Variants in PDE4D observed in about 807,000 individuals in gnomAD.
The protein encoded by PDE4D is phosphodiesterase 4D, also known as 3',5'-cyclic-AMP phosphodiesterase 4D.
In PDE4D, 24 loss-of-function variants were observed where a neutral mutation model predicts 87.4. The observed-to-expected ratio is 0.27, with a 90% confidence interval of 0.20 to 0.39. The LOEUF is 0.39. PDE4D is among the 10% of genes least tolerant of loss of function. The pLI is 1.00. For missense variants in PDE4D, 714 were observed against 1,041.0 expected, an observed-to-expected ratio of 0.69 and a Z score of 4.32; for synonymous variants, 384 against 383.2, an observed-to-expected ratio of 1.00 and a Z score of -0.02.
At chr5:59,687,739 G>A (rs1462265805) in intron 1 of PDE4D, among the ~76,000 whole-genome samples, 2 of 152,116 alleles carry the variant, frequency 1.3e-5, no homozygotes. Flanking sequence ...AAATGTAAAT[G>A]GGCTAAATGC....
intron 1 of PDE4D, among the ~76,000 whole-genome samples, chr5:59,378,717 G>A (rs924683777): frequency 2.0e-5 from 3 of 152,196 alleles, no homozygotes; most frequent in Non-Finnish European, 4.4e-5. Flanking sequence ...GCTGAAACTA[G>A]TGACAAGCTT....
At chr5:59,664,639 A>G (rs1474473460) in intron 1 of PDE4D, among the ~76,000 whole-genome samples, 1 of 152,224 alleles carries the variant, frequency 6.6e-6, no homozygotes, top group African/African-American at 2.4e-5. Flanking sequence ...ATTCATAAAG[A>G]GAGGTTTTCT....
intron 1 of PDE4D, among the ~76,000 whole-genome samples, chr5:59,789,047 T>A (rs1336047474): frequency 6.6e-6 from 1 of 152,196 alleles, no homozygotes; most frequent in East Asian, 1.9e-4. Flanking sequence ...TTACCTGAGC[T>A]TGGTTAGGAT....
chr5:59,578,961 C>T (rs1312608887), intron 1 of PDE4D, among the ~76,000 whole-genome samples: 1 of 152,010 alleles, frequency 6.6e-6, no homozygotes, highest in Admixed American at 6.6e-5. Flanking sequence ...TCTTCTCCTC[C>T]TCCTTCGTTC....
chr5:59,713,235 T>A (rs1754477100), intron 1 of PDE4D, among the ~76,000 whole-genome samples: 1 of 152,122 alleles, frequency 6.6e-6, no homozygotes, highest in Admixed American at 6.5e-5. Context: ...ATTTTAAAAA[T>A]CTGATTTAAG....
intron 1 of PDE4D, among the ~76,000 whole-genome samples, chr5:60,434,350 C>T (rs1339747810): frequency 1.3e-5 from 2 of 152,004 alleles, no homozygotes; most frequent in Non-Finnish European, 2.9e-5. Context: ...TGAAAGCTTT[C>T]TAAATTATCA....
chr5:59,101,773 G>A (rs1770774662), intron 5 of PDE4D, among the ~76,000 whole-genome samples: 2 of 151,726 alleles, frequency 1.3e-5, no homozygotes, highest in South Asian at 4.2e-4. Flanking sequence ...TCATTCCAAA[G>A]GAAAGATCTG....
intron 1 of PDE4D, among the ~76,000 whole-genome samples, chr5:60,282,957 T>C (rs1752079843): frequency 1.3e-5 from 2 of 152,218 alleles, no homozygotes; most frequent in African/African-American, 4.8e-5. Context: ...TGGTAAATAT[T>C]TCATGCACAT....
At chr5:59,851,124 A>C (rs574085027) in intron 1 of PDE4D, among the ~76,000 whole-genome samples, 1 of 152,180 alleles carries the variant, frequency 6.6e-6, no homozygotes, top group Admixed American at 6.5e-5. Flanking sequence ...GAAGACACTC[A>C]TGCAGCCTGG....
intron 1 of PDE4D, among the ~76,000 whole-genome samples, chr5:59,553,171 GTCTC>G (rs1223389038): frequency 6.6e-6 from 1 of 152,034 alleles, no homozygotes; most frequent in Non-Finnish European, 1.5e-5. Flanking sequence ...AATCAGGATT[GTCTC>G]TCTCCCTTTC....
chr5:59,062,007 G>A (rs1013242183), intron 5 of PDE4D, among the ~76,000 whole-genome samples: 1 of 152,038 alleles, frequency 6.6e-6, no homozygotes, highest in Non-Finnish European at 1.5e-5. Flanking sequence ...CAGGACTAAA[G>A]GCAGCATCAC....
chr5:59,491,414 G>C (rs747486048), intron 1 of PDE4D, among the ~76,000 whole-genome samples: 2 of 152,130 alleles, frequency 1.3e-5, no homozygotes, highest in Non-Finnish European at 2.9e-5. Flanking sequence ...ATGAGATTGA[G>C]CAGTGACTTT....
chr5:59,001,086 G>A (rs1319782313), intron 6 of PDE4D, among the ~76,000 whole-genome samples: 1 of 152,146 alleles, frequency 6.6e-6, no homozygotes, highest in Non-Finnish European at 1.5e-5. Flanking sequence ...GACATTTTAC[G>A]AGGAGGGTTA....
chr5:60,362,882 A>G (rs1442479439), intron 1 of PDE4D, among the ~76,000 whole-genome samples: 1 of 151,960 alleles, frequency 6.6e-6, no homozygotes, highest in African/African-American at 2.4e-5. Flanking sequence ...AAAAAAAGAA[A>G]TATTATTTTA....
At chr5:59,311,565 C>T (rs1158613975) in intron 1 of PDE4D, among the ~76,000 whole-genome samples, 3 of 150,516 alleles carry the variant, frequency 2.0e-5, no homozygotes, top group Non-Finnish European at 4.4e-5. Flanking sequence ...GGACTCTTTC[C>T]TCTTCCTTAC....
rs749417048 is a variant in PDE4D, at chr5:59,039,390, C to T, written c.809-419G>A. 1.8e-3 allele frequency: 1,809 copies of T among 1,013,872 alleles called. 3 individuals carry two copies. Among genetic ancestry groups the T allele is most frequent in the Non-Finnish European group, 2.0e-3 (1,735 of 847,672 alleles). 62.8% of individuals were successfully genotyped at this position (1,013,872 alleles called of 1,614,324 possible). On this transcript the variant is annotated intron_variant, in intron 5 of 14. Transcript: ENST00000340635. ...CCCGCCCCGCAGAGGAGCGTCTGGT[C>T]CACAGCCGGATCTCCTCGGTCCCCA... is the stretch of plus-strand genomic sequence containing the variant.
In PDE4D at chr5:59,081,167, G is replaced by A. The variant is rs1220172928; in HGVS notation, c.809-42196C>T. Among the ~76,000 whole-genome samples the A allele has an allele frequency of 9.2e-5, 14 of 152,172 alleles. 1 individual carries two copies. The South Asian group carries it at 1.7e-3, about 18-fold the overall frequency. Reference sequence around the variant, plus strand: ...ACTGATGTCAAGTCATCCATAGTATGAAAACTCATTTATTTTTATTTGAAA... The same window carrying A: ...ACTGATGTCAAGTCATCCATAGTATAAAAACTCATTTATTTTTATTTGAAA... On this transcript the variant is annotated intron_variant, in intron 5 of 14. Transcript: ENST00000340635.
chr5:59,574,080 AT>A (rs1822497709), intron 1 of PDE4D, among the ~76,000 whole-genome samples: 2 of 3,132 alleles, frequency 6.4e-4, no homozygotes, highest in African/African-American at 9.5e-4. Flanking sequence ...ATTTATATAT[AT>A]ATTTATATAT....
chr5:59,308,005 T>C (rs1210702504), intron 1 of PDE4D, among the ~76,000 whole-genome samples: 1 of 152,038 alleles, frequency 6.6e-6, no homozygotes, highest in East Asian at 1.9e-4. Context: ...ATGTGGCACA[T>C]ATACACCATG....
Sources: allele counts gnomAD v4.1 joint callset (sites outside exome capture counted in the v4.1 genomes callset), GRCh38; gene constraint gnomAD v4.1.1; transcripts MANE v1.5; gene names NCBI Gene and HGNC (gene_info 2026-07-23, HGNC 2026-07-21).